Variants in LYN observed in about 807,000 individuals in gnomAD.
LYN encodes tyrosine-protein kinase Lyn.
A neutral mutation model predicts 65.0 loss-of-function variants in LYN; 12 were observed. The observed-to-expected ratio is 0.18, with a 90% confidence interval of 0.12 to 0.30. LYN has a LOEUF of 0.30. Among genes scored for constraint, LYN ranks in the 10% least tolerant of loss-of-function variants. The probability of loss-of-function intolerance (pLI) is 1.00; values close to 1 mark genes in which losing one functional copy is unlikely to be tolerated. For synonymous variants in LYN, 222 were observed against 221.2 expected (o/e 1.00, Z -0.03); for missense variants, 380 against 623.2 (o/e 0.61, Z 4.16).
chr8:55,917,720 A>G (rs1054664074), intron 1 of LYN, among the ~76,000 whole-genome samples: 4 of 152,202 alleles, frequency 2.6e-5, no homozygotes, highest in Admixed American at 2.0e-4. Flanking sequence ...TTCAGGAAGG[A>G]TCCCAGATTC....
intron 9 of LYN, among the ~76,000 whole-genome samples, chr8:55,967,539 C>G (rs965217751): frequency 5.9e-5 from 9 of 152,126 alleles, no homozygotes; most frequent in African/African-American, 2.2e-4. Flanking sequence ...TGGTCTCGAA[C>G]TCCTGAGCTC....
chr8:55,932,412 T>TG (rs1806297855), intron 1 of LYN, among the ~76,000 whole-genome samples: 1 of 111,848 alleles, frequency 8.9e-6, no homozygotes, highest in African/African-American at 3.8e-5. Context: ...ATATATATAT[T>TG]TTTTGTTTGT....
In LYN at chr8:55,966,908, C is replaced by G. The variant is rs745804098; in HGVS notation, c.973+11C>G. Reference sequence around the variant, plus strand: ...AGTACATGGCCAAGGGTGAGTTCCTCCCACTGCCCAGAGCTTGCAAGGGCT... The same window carrying G: ...AGTACATGGCCAAGGGTGAGTTCCTGCCACTGCCCAGAGCTTGCAAGGGCT... On this transcript the variant is annotated intron_variant, in intron 9 of 12. Transcript: ENST00000519728. The G allele has an allele frequency of 1.2e-6, 2 of 1,610,342 alleles. No individual in the cohort carries two copies.
rs767490599 is a variant in LYN at position 55,950,587 on chromosome 8, G to T, written c.383+30G>T. On this transcript the variant is annotated intron_variant, in intron 5 of 12. Transcript: ENST00000519728. ...GTCCTCATGTGTTGTCATCTTGGTG[G>T]CTTTATTTGCCACATTGGATTTCTT... The T allele has an allele frequency of 1.6e-5, 25 of 1,591,582 alleles. No homozygotes were observed. The South Asian group carries it at 2.5e-4, about 16-fold the overall frequency.
At chr8:55,906,933 T>G (rs1036367872) in intron 1 of LYN, among the ~76,000 whole-genome samples, 2 of 152,168 alleles carry the variant, frequency 1.3e-5, no homozygotes, top group African/African-American at 4.8e-5. Context: ...AGTGAGCCAT[T>G]GCCATCCCTT....
chr8:55,897,993 C>T (rs941566872), intron 1 of LYN, among the ~76,000 whole-genome samples: 6 of 152,042 alleles, frequency 3.9e-5, no homozygotes, highest in Admixed American at 2.6e-4. Context: ...TGAAAATAGA[C>T]GATTTTAAGA....
intron 10 of LYN, among the ~76,000 whole-genome samples, chr8:55,988,136 A>G (rs1808133243): frequency 6.6e-6 from 1 of 152,188 alleles, no homozygotes; most frequent in Non-Finnish European, 1.5e-5. Context: ...CATCCAAATT[A>G]TGGATTGGAG....
chr8:55,945,395 C>G (rs1415533707), intron 2 of LYN, among the ~76,000 whole-genome samples: 2 of 152,172 alleles, frequency 1.3e-5, no homozygotes, highest in African/African-American at 4.8e-5. Flanking sequence ...CATAAAACTT[C>G]CTGACATAAA....
At chr8:55,972,576 T>G (rs2036897) in intron 10 of LYN, among the ~76,000 whole-genome samples, 3 of 151,968 alleles carry the variant, frequency 2.0e-5, no homozygotes, top group Non-Finnish European at 4.4e-5. Flanking sequence ...TGCTACCCAG[T>G]GCTCCTCCTC....
At chr8:55,890,372 G>C (rs150435582) in intron 1 of LYN, among the ~76,000 whole-genome samples, 249 of 152,084 alleles carry the variant, frequency 1.6e-3, no homozygotes, top group East Asian at 0.013. Context: ...TAAAAAATGA[G>C]AAATCATGAT....
At chr8:55,896,036 G>A (rs1237849795) in intron 1 of LYN, among the ~76,000 whole-genome samples, 1 of 151,994 alleles carries the variant, frequency 6.6e-6, no homozygotes, top group Non-Finnish European at 1.5e-5. Context: ...ATGACAAATA[G>A]CAAAGAGAAC....
chr8:56,003,928 C>CTTTTTTTTTTTTT (rs1213079280), intron 12 of LYN, among the ~76,000 whole-genome samples: 1 of 104,696 alleles, frequency 9.6e-6, no homozygotes, highest in Non-Finnish European at 1.9e-5. Flanking sequence ...ATATTTTATT[C>CTTTTTTTTTTTTT]TTTTTTTTTT....
intron 10 of LYN, among the ~76,000 whole-genome samples, chr8:55,993,896 T>C (rs1396429923): frequency 1.3e-5 from 2 of 152,208 alleles, no homozygotes. Flanking sequence ...CTTTCCAAGC[T>C]GCTGGAACAA....
intron 9 of LYN, among the ~76,000 whole-genome samples, chr8:55,967,863 C>T (rs538810463): frequency 6.6e-6 from 1 of 152,252 alleles, no homozygotes; most frequent in African/African-American, 2.4e-5. Flanking sequence ...TACTAATAAA[C>T]TGCCAAATTA....
chr8:55,949,573 A>C (rs1465176593), intron 4 of LYN, among the ~76,000 whole-genome samples: 2 of 152,210 alleles, frequency 1.3e-5, no homozygotes, highest in Non-Finnish European at 2.9e-5. Flanking sequence ...TTTAGTTGAC[A>C]TGGAATAATT....
intron 1 of LYN, chr8:55,902,848 A>T: frequency 4.4e-6 from 2 of 458,574 alleles, no homozygotes; most frequent in South Asian, 1.6e-5. Context: ...CTCATCTAGC[A>T]TGAGGCTTTT....
At chr8:56,005,021 T>A (rs1390163279) in intron 12 of LYN, among the ~76,000 whole-genome samples, 1 of 152,152 alleles carries the variant, frequency 6.6e-6, no homozygotes. Flanking sequence ...CTGGGTCAAC[T>A]GATCCTCCCT....
At chr8:55,881,096 T>C (rs1804643442) in intron 1 of LYN, among the ~76,000 whole-genome samples, 1 of 152,194 alleles carries the variant, frequency 6.6e-6, no homozygotes, top group South Asian at 2.1e-4. Context: ...TCAGGGGCTG[T>C]TTAGTACACA....
chr8:55,881,494 C>T (rs1309415510), intron 1 of LYN, among the ~76,000 whole-genome samples: 1 of 152,160 alleles, frequency 6.6e-6, no homozygotes, highest in Non-Finnish European at 1.5e-5. Flanking sequence ...TCCAGTTAGT[C>T]CCTCCATTCT....
Sources: gnomAD v4.1 joint callset for allele counts (sites outside exome capture counted in the v4.1 genomes callset) on GRCh38, gnomAD v4.1.1 for gene constraint, MANE v1.5 for transcripts, NCBI Gene and HGNC (gene_info 2026-07-23, HGNC 2026-07-21) for gene names.